FHIT: variants seen among roughly 807,000 people sequenced by gnomAD.
FHIT encodes the protein bis(5'-adenosyl)-triphosphatase.
Under a neutral mutation model 17.9 loss-of-function variants are expected in FHIT, and 19 were observed. The observed-to-expected ratio is 1.06, with a 90% CI of 0.74 to 1.56. The LOEUF is 1.56. Among genes scored for constraint, FHIT ranks in the 40% most tolerant of loss-of-function variants. FHIT has a pLI of 0.00. For synonymous variants in FHIT, 81 were observed against 69.7 expected (o/e 1.16, Z -0.81); for missense variants, 248 against 189.2 (o/e 1.31, Z -1.82).
intron 5 of FHIT, among the ~76,000 whole-genome samples, chr3:60,230,239 T>C (rs1283570595): frequency 1.3e-5 from 2 of 152,188 alleles, no homozygotes; most frequent in African/African-American, 2.4e-5. Flanking sequence ...TGTCTTTCAA[T>C]GCAGAAAGTT....
chr3:60,462,024 C>T (rs886094400), intron 5 of FHIT, among the ~76,000 whole-genome samples: 2 of 152,170 alleles, frequency 1.3e-5, no homozygotes, highest in Non-Finnish European at 2.9e-5. Flanking sequence ...GTTCGCCTGA[C>T]TCAGTGCTGG....
intron 5 of FHIT, among the ~76,000 whole-genome samples, chr3:60,229,315 G>A (rs1034481597): frequency 4.5e-4 from 69 of 152,160 alleles, no homozygotes; most frequent in Non-Finnish European, 4.4e-4. Flanking sequence ...TACTTGGGAG[G>A]CTGAGGCAGG....
chr3:61,073,045 T>G (rs1220566416), intron 2 of FHIT, among the ~76,000 whole-genome samples: 1 of 152,078 alleles, frequency 6.6e-6, no homozygotes, highest in African/African-American at 2.4e-5. Context: ...AGGAAAGACA[T>G]GTGCTGTAAT....
intron 5 of FHIT, among the ~76,000 whole-genome samples, chr3:60,463,396 G>A (rs2032592745): frequency 6.6e-6 from 1 of 152,116 alleles, no homozygotes; most frequent in African/African-American, 2.4e-5. Flanking sequence ...GCATTTAGAA[G>A]GATTTAATCA....
chr3:60,006,604 G>A (rs564910117), intron 7 of FHIT, among the ~76,000 whole-genome samples: 15 of 151,596 alleles, frequency 9.9e-5, no homozygotes, highest in African/African-American at 2.9e-4. Context: ...ACATCAATAC[G>A]TCAGTTTTTC....
At chr3:60,010,282 C>T (rs989098382) in intron 7 of FHIT, among the ~76,000 whole-genome samples, 7 of 152,182 alleles carry the variant, frequency 4.6e-5, no homozygotes, top group Non-Finnish European at 1.0e-4. Flanking sequence ...AAGCTGAAAG[C>T]CTCTGTGTCT....
At chr3:61,242,157 G>T (rs1051974271) in intron 1 of FHIT, among the ~76,000 whole-genome samples, 1 of 152,076 alleles carries the variant, frequency 6.6e-6, no homozygotes, top group Non-Finnish European at 1.5e-5. Context: ...TTTTCTATGA[G>T]TCAGAAAAAC....
At chr3:61,231,364 G>A (rs375415695) in intron 1 of FHIT, among the ~76,000 whole-genome samples, 109 of 152,054 alleles carry the variant, frequency 7.2e-4, no homozygotes, top group African/African-American at 2.6e-3. Context: ...TGTGGTGGTG[G>A]GCACCTATGG....
intron 5 of FHIT, among the ~76,000 whole-genome samples, chr3:60,174,543 A>C (rs2107416728): frequency 6.6e-6 from 1 of 152,318 alleles, no homozygotes; most frequent in South Asian, 2.1e-4. Context: ...TACAAAACAG[A>C]AGTTCAGAGA....
intron 2 of FHIT, among the ~76,000 whole-genome samples, chr3:61,179,707 CAA>C (rs779180597): frequency 7.9e-3 from 228 of 28,982 alleles, no homozygotes; most frequent in African/African-American, 0.026. Flanking sequence ...GACCCTATCT[CAA>C]AAAAAAAAAA....
chr3:61,162,745 A>G (rs1183942970), intron 2 of FHIT, among the ~76,000 whole-genome samples: 2 of 152,206 alleles, frequency 1.3e-5, no homozygotes, highest in Non-Finnish European at 2.9e-5. Flanking sequence ...ATGCAAAATA[A>G]TTCTTGCCTA....
At chr3:60,004,079 A>G (rs1275873481) in intron 7 of FHIT, among the ~76,000 whole-genome samples, 1 of 152,160 alleles carries the variant, frequency 6.6e-6, no homozygotes, top group Non-Finnish European at 1.5e-5. Flanking sequence ...AAATGACAAC[A>G]GTGAGTAACC....
intron 5 of FHIT, among the ~76,000 whole-genome samples, chr3:60,245,890 T>C (rs1320769195): frequency 6.6e-6 from 1 of 152,040 alleles, no homozygotes; most frequent in Non-Finnish European, 1.5e-5. Context: ...ACATTTTATG[T>C]GACAAAACCA....
chr3:60,809,308 T>C (rs1476748595), intron 4 of FHIT, among the ~76,000 whole-genome samples: 1 of 152,166 alleles, frequency 6.6e-6, no homozygotes, highest in African/African-American at 2.4e-5. Context: ...GAAAAATACA[T>C]TGGCCCTAGT....
intron 5 of FHIT, among the ~76,000 whole-genome samples, chr3:60,261,904 G>A (rs534344830): frequency 1.3e-5 from 2 of 152,026 alleles, no homozygotes; most frequent in Non-Finnish European, 2.9e-5. Context: ...AAGGGACACA[G>A]AAGAATCTGA....
chr3:60,013,982 A>C, intron 6 of FHIT, 25 bp downstream of exon 6: 5 of 1,611,164 alleles, frequency 3.1e-6, no homozygotes, highest in Non-Finnish European at 4.2e-6. Flanking sequence ...AAGAAAAATC[A>C]TTTCTGAGAA....
chr3:60,931,116 A>G (rs541072205), intron 3 of FHIT, among the ~76,000 whole-genome samples: 29 of 152,188 alleles, frequency 1.9e-4, no homozygotes, highest in African/African-American at 6.7e-4. Context: ...TCGCAAGGAG[A>G]AAAAACCAAA....
At chr3:60,897,218 T>C (rs1705868636) in intron 3 of FHIT, among the ~76,000 whole-genome samples, 1 of 152,228 alleles carries the variant, frequency 6.6e-6, no homozygotes, top group African/African-American at 2.4e-5. Context: ...ACCACGATGA[T>C]GCTGCACATA....
intron 5 of FHIT, among the ~76,000 whole-genome samples, chr3:60,147,453 G>C (rs1222800344): frequency 6.6e-6 from 1 of 152,152 alleles, no homozygotes; most frequent in Admixed American, 6.5e-5. Flanking sequence ...AAGATGTAAA[G>C]GATGCAGTGC....
Sources: gnomAD v4.1 joint callset for allele counts (sites outside exome capture counted in the v4.1 genomes callset) on GRCh38, gnomAD v4.1.1 for gene constraint, MANE v1.5 for transcripts, NCBI Gene and HGNC (gene_info 2026-07-23, HGNC 2026-07-21) for gene names.